The following PALLD variants were observed in gnomAD, a reference collection of about 807,000 sequenced individuals.
The protein encoded by PALLD is palladin.
A neutral mutation model predicts 123.5 loss-of-function variants in PALLD; 61 were observed. The ratio of observed to expected loss-of-function variants is 0.49; its 90% CI spans 0.40 to 0.61. The LOEUF (loss-of-function observed/expected upper bound fraction) is 0.61. PALLD is among the 20% of genes least tolerant of loss of function. The probability of loss-of-function intolerance (pLI) is 0.00; values close to 1 mark genes in which losing one functional copy is unlikely to be tolerated. For synonymous variants in PALLD, 465 were observed against 496.4 expected (o/e 0.94, Z 0.84); for missense variants, 1,273 against 1,377.0 (o/e 0.92, Z 1.20).
chr4:168,721,378 T>A (rs1460968165), intron 10 of PALLD, among the ~76,000 whole-genome samples: 1 of 152,074 alleles, frequency 6.6e-6, no homozygotes, highest in Non-Finnish European at 1.5e-5. Context: ...ATGAATTTGA[T>A]GGAAAATATG....
intron 6 of PALLD, chr4:168,686,622 C>G (rs1782082750): frequency 6.6e-6 from 1 of 152,340 alleles, no homozygotes; most frequent in African/African-American, 2.4e-5. Flanking sequence ...ATATGGAACG[C>G]TTCACGAATT....
chr4:168,733,057 G>T (rs941998246), intron 10 of PALLD, among the ~76,000 whole-genome samples: 1 of 152,062 alleles, frequency 6.6e-6, no homozygotes, highest in Non-Finnish European at 1.5e-5. Flanking sequence ...TTTTTTAACT[G>T]ATATATCATA....
intron 2 of PALLD, chr4:168,648,303 A>C (rs1777683571): frequency 6.6e-6 from 1 of 152,190 alleles, no homozygotes; most frequent in Non-Finnish European, 1.5e-5. Flanking sequence ...ATCCATCATT[A>C]GAAATAGTTG....
chr4:168,578,997 C>A (rs1427630503), intron 2 of PALLD, among the ~76,000 whole-genome samples: 3 of 152,064 alleles, frequency 2.0e-5, no homozygotes, highest in African/African-American at 4.8e-5. Context: ...TAGTAGATTT[C>A]TATTTTCAAG....
chr4:168,550,911 T>C (rs1019078533), intron 2 of PALLD, among the ~76,000 whole-genome samples: 4 of 152,232 alleles, frequency 2.6e-5, no homozygotes, highest in African/African-American at 9.6e-5. Flanking sequence ...CTCTTGTTAC[T>C]AGTGCTAATT....
At chr4:168,542,717 C>CGTATATATAT (rs1765745483) in intron 2 of PALLD, among the ~76,000 whole-genome samples, 3 of 88,926 alleles carry the variant, frequency 3.4e-5, no homozygotes. Flanking sequence ...CTAACCTTTC[C>CGTATATATAT]ATATATATAT....
chr4:168,908,564 C>G (rs1166754881), intron 15 of PALLD, among the ~76,000 whole-genome samples: 3 of 152,068 alleles, frequency 2.0e-5, no homozygotes, highest in Non-Finnish European at 4.4e-5. Context: ...GTGTAGTTGA[C>G]AGAAAACTGA....
intron 2 of PALLD, among the ~76,000 whole-genome samples, chr4:168,619,793 G>T (rs1774578471): frequency 6.6e-6 from 1 of 152,148 alleles, no homozygotes. Context: ...TCCTTAAAAG[G>T]ACTAAATTCA....
chr4:168,599,173 T>A (rs771440183), intron 2 of PALLD, among the ~76,000 whole-genome samples: 6 of 152,192 alleles, frequency 3.9e-5, no homozygotes, highest in Non-Finnish European at 5.9e-5. Flanking sequence ...ATGGTAGTCA[T>A]AACCAATTGT....
chr4:168,926,474 A>T lies in PALLD; in HGVS notation c.*294A>T. On this transcript the variant is annotated 3_prime_UTR_variant, in exon 22 of 22. Transcript: ENST00000505667. ...GTCACATTATGTAAAAGGCAGAAAC[A>T]TACCTTTGACTATAAGAAATTAAAA... is the stretch of plus-strand genomic sequence containing the variant. The T allele has an allele frequency of 1.1e-6, 1 of 888,474 alleles. No individual in the cohort carries two copies. The highest frequency in any genetic ancestry group is 1.7e-6 in the Non-Finnish European group (1 of 595,462). The allele number at this position is 888,474 out of a possible 1,614,324, so 55.0% of individuals were successfully genotyped here. A position where few individuals can be genotyped will look rare whatever the true frequency, so the allele number is the denominator to read the frequency against.
chr4:168,683,883 TATAG>T (rs1781781529), intron 5 of PALLD, among the ~76,000 whole-genome samples: 1 of 152,178 alleles, frequency 6.6e-6, no homozygotes, highest in African/African-American at 2.4e-5. Flanking sequence ...TTTCAGCCAC[TATAG>T]AGGCCAATAG....
chr4:168,685,473 C>G lies in PALLD; in HGVS notation c.1261-12C>G. The G allele has an allele frequency of 6.3e-7, 1 of 1,581,514 alleles. No individual in the cohort carries two copies. The highest frequency in any genetic ancestry group is 8.7e-7 in the Non-Finnish European group (1 of 1,150,534). The stretch of plus-strand genomic sequence containing the variant: ...TATTTAGAATTTGATCCATATGTCT[C>G]TGCTTTTGCAGGTTCACAGTCCAAC... On this transcript the variant is annotated splice_polypyrimidine_tract_variant and intron_variant, in intron 5 of 21. Coordinates refer to ENST00000505667, the MANE Select transcript of PALLD (RefSeq NM_001166108.2).
In PALLD at chr4:168,725,620, G is replaced by A. The variant is rs992321368; in HGVS notation, c.1964+13697G>A. On this transcript the variant is annotated intron_variant, in intron 10 of 21. Coordinates refer to ENST00000505667, the MANE Select transcript of PALLD (RefSeq NM_001166108.2). The stretch of plus-strand genomic sequence containing the variant: ...CTGCTCACTGCAAGCTCCGCCTCCC[G>A]GGTTCACGCCATTCTCCTGCCTCAG... 1.1e-4 allele frequency among the ~76,000 whole-genome samples: 15 copies of A among 136,448 alleles called. No homozygotes were observed. The East Asian group carries it at 3.1e-3, about 28-fold the overall frequency. 89.5% of individuals were successfully genotyped at this position (136,448 alleles called of 152,430 possible). A position where few individuals can be genotyped will look rare whatever the true frequency, so the allele number is the denominator to read the frequency against.
At chr4:168,810,756 C>G (rs187957259) in intron 10 of PALLD, among the ~76,000 whole-genome samples, 371 of 150,034 alleles carry the variant, frequency 2.5e-3, no homozygotes, top group African/African-American at 8.2e-3. Flanking sequence ...TGCAGTGAGC[C>G]GAGATTGCGC....
chr4:168,564,861 G>A (rs1000365378), intron 2 of PALLD, among the ~76,000 whole-genome samples: 23 of 151,980 alleles, frequency 1.5e-4, no homozygotes, highest in African/African-American at 5.3e-4. Context: ...CCCATAAGGG[G>A]ACCACATACT....
intron 10 of PALLD, among the ~76,000 whole-genome samples, chr4:168,826,665 CA>C (rs1179298002): frequency 6.6e-6 from 1 of 151,986 alleles, no homozygotes; most frequent in African/African-American, 2.4e-5. Context: ...TTTGCAAAAA[CA>C]AAATTAAAAG....
intron 10 of PALLD, among the ~76,000 whole-genome samples, chr4:168,789,445 G>A (rs1042369075): frequency 1.3e-5 from 2 of 152,186 alleles, no homozygotes; most frequent in Non-Finnish European, 2.9e-5. Flanking sequence ...AGTGGCTCAC[G>A]CCTGTAATCC....
In PALLD at chr4:168,883,400, T is replaced by C. The variant is rs569713008; in HGVS notation, c.1965-7522T>C. Among the ~76,000 whole-genome samples, 5 of 152,334 alleles carry C rather than the reference T, an allele frequency of 3.3e-5. No homozygotes were observed. In the South Asian group the frequency reaches 1.0e-3, roughly 32 times the overall value. ...TAATGAGTTTGCTCACTCTGAAATT[T>C]TGTGGAATTTAGTTACCATCAGATT... On this transcript the variant is annotated intron_variant, in intron 10 of 21. Transcript: ENST00000505667.
intron 3 of PALLD, among the ~76,000 whole-genome samples, chr4:168,677,662 A>G (rs1780995601): frequency 6.6e-6 from 1 of 151,796 alleles, no homozygotes; most frequent in African/African-American, 2.4e-5. Flanking sequence ...ATTCCAGTAA[A>G]ATGGTCTCCC....
Sources: allele counts gnomAD v4.1 joint callset (sites outside exome capture counted in the v4.1 genomes callset), GRCh38; gene constraint gnomAD v4.1.1; transcripts MANE v1.5; gene names NCBI Gene and HGNC (gene_info 2026-07-23, HGNC 2026-07-21).